The following CACNA2D1 variants were observed in gnomAD, a reference collection of about 807,000 sequenced individuals.
CACNA2D1 encodes calcium voltage-gated channel auxiliary subunit alpha2delta 1, also known as voltage-dependent calcium channel subunit alpha-2/delta-1.
Under a neutral mutation model 171.5 loss-of-function variants are expected in CACNA2D1, and 53 were observed. The observed-to-expected ratio is 0.31, with a 90% confidence interval of 0.25 to 0.39. The LOEUF (loss-of-function observed/expected upper bound fraction) is 0.39. Among genes scored for constraint, CACNA2D1 ranks in the 10% least tolerant of loss-of-function variants. The probability of loss-of-function intolerance (pLI) is 1.00; values close to 1 mark genes in which losing one functional copy is unlikely to be tolerated. For missense variants in CACNA2D1, 903 were observed against 1,299.8 expected, an observed-to-expected ratio of 0.69 and a Z score of 4.69; for synonymous variants, 442 against 443.1, an observed-to-expected ratio of 1.00 and a Z score of 0.03.
rs575692029 is a variant in CACNA2D1, at chr7:82,017,999, C to G, written c.1144-3520G>C. Among the ~76,000 whole-genome samples the G allele has an allele frequency of 2.0e-5, 3 of 152,210 alleles. No individual in the cohort carries two copies. In the South Asian group the frequency reaches 6.2e-4, roughly 32 times the overall value. On this transcript the variant is annotated intron_variant, in intron 12 of 38. Coordinates refer to ENST00000356860, the MANE Select transcript of CACNA2D1 (RefSeq NM_000722.4). ...TTCATATAACAAATGCACATGAAAACTTTTCTGTTGTGAGTAAAATGTTCC... is the reference window on the plus strand; with the variant it reads ...TTCATATAACAAATGCACATGAAAAGTTTTCTGTTGTGAGTAAAATGTTCC...
intron 5 of CACNA2D1, among the ~76,000 whole-genome samples, chr7:82,131,168 G>A (rs258697): frequency 0.28 from 42,146 of 152,008 alleles, 5,997 homozygotes; most frequent in East Asian, 0.43. Context: ...GTAAACTGCA[G>A]CCTAACTTAG....
intron 6 of CACNA2D1, among the ~76,000 whole-genome samples, chr7:82,092,120 GAACA>G (rs1233643919): frequency 5.3e-5 from 8 of 152,194 alleles, no homozygotes; most frequent in Non-Finnish European, 8.8e-5. Context: ...CCTCTTCCTT[GAACA>G]AAAACACATT....
intron 18 of CACNA2D1, among the ~76,000 whole-genome samples, chr7:82,002,584 C>T (rs907728363): frequency 1.3e-5 from 2 of 151,406 alleles, no homozygotes; most frequent in African/African-American, 4.9e-5. Flanking sequence ...ATATTAACTT[C>T]TCAAACATAG....
chr7:82,285,264 A>G (rs957396325), intron 3 of CACNA2D1, among the ~76,000 whole-genome samples: 5 of 151,994 alleles, frequency 3.3e-5, no homozygotes, highest in Non-Finnish European at 5.9e-5. Context: ...GGGCTGCCCA[A>G]TAAAACCTGT....
chr7:81,967,270 C>T (rs1794805682), intron 30 of CACNA2D1, 63 bp from the exon 31 acceptor site: 2 of 1,228,648 alleles, frequency 1.6e-6, no homozygotes, highest in Non-Finnish European at 2.4e-6. Context: ...TATATTATTA[C>T]CATGTTATAA....
At chr7:82,418,751 T>C (rs1051872311) in intron 1 of CACNA2D1, among the ~76,000 whole-genome samples, 2 of 152,106 alleles carry the variant, frequency 1.3e-5, no homozygotes, top group Non-Finnish European at 2.9e-5. Context: ...CTGGTATTCT[T>C]TTCATACTCA....
intron 6 of CACNA2D1, among the ~76,000 whole-genome samples, chr7:82,106,263 C>G (rs1445986935): frequency 6.6e-6 from 1 of 152,036 alleles, no homozygotes; most frequent in Admixed American, 6.6e-5. Flanking sequence ...TTAAAAAATC[C>G]TCATCTCAAA....
chr7:82,007,540 G>A (rs775386674), intron 16 of CACNA2D1, 139 bp downstream of exon 16: 3 of 614,592 alleles, frequency 4.9e-6, no homozygotes, highest in Non-Finnish European at 8.9e-6. Flanking sequence ...TATCGCATAG[G>A]CAGCTGTTGC....
At chr7:82,128,110 T>C (rs1319444943) in intron 5 of CACNA2D1, among the ~76,000 whole-genome samples, 2 of 149,410 alleles carry the variant, frequency 1.3e-5, no homozygotes, top group African/African-American at 2.5e-5. Flanking sequence ...TTTTTTTTTT[T>C]GTAGAGACAG....
chr7:82,144,104 ACGGT>A (rs990595598), intron 4 of CACNA2D1, among the ~76,000 whole-genome samples: 13 of 152,106 alleles, frequency 8.5e-5, no homozygotes, highest in Non-Finnish European at 5.9e-5. Flanking sequence ...AGGAGTAGTT[ACGGT>A]CATAAAAGCT....
At chr7:82,143,705 A>G in intron 4 of CACNA2D1, among the ~76,000 whole-genome samples, 1 of 151,990 alleles carries the variant, frequency 6.6e-6, no homozygotes, top group East Asian at 1.9e-4. Context: ...TGATTCTGTA[A>G]CTCTCCAGTC....
At chr7:82,064,411 T>G in intron 8 of CACNA2D1, 57 bp from the exon 9 acceptor site, 1 of 1,290,808 alleles carries the variant, frequency 7.7e-7, no homozygotes, top group South Asian at 1.2e-5. Context: ...ACACTGATAT[T>G]TGTTGAATTG....
intron 3 of CACNA2D1, among the ~76,000 whole-genome samples, chr7:82,261,483 T>A (rs1016853590): frequency 6.6e-6 from 1 of 152,166 alleles, no homozygotes; most frequent in African/African-American, 2.4e-5. Context: ...AAAGTCTGCT[T>A]TCAGGTACCA....
At position 82,117,052 on chromosome 7, in the gene CACNA2D1, T is replaced by G; in HGVS notation, c.518A>C (p.Tyr173Ser). Reference protein sequence around the residue: ...HAAVHIPTDIYEGSTIVLNEL... With the variant: ...HAAVHIPTDISEGSTIVLNEL... ...AACATTCTTTTACTTACAGCCCTCA[T>G]AGATGTCAGTAGGAATATGGACTGC... is the stretch of plus-strand genomic sequence containing the variant. The change falls in exon 6 of 39, where the codon TAT (tyrosine) becomes TCT (serine). Residue 173 changes from tyrosine to serine, a missense_variant. Transcript: ENST00000356860. 2 of 1,613,770 alleles carry G rather than the reference T, an allele frequency of 1.2e-6. No individual in the cohort carries two copies. The highest frequency in any genetic ancestry group is 1.7e-6 in the Non-Finnish European group (2 of 1,179,774).
chr7:82,416,759 G>T (rs1450702683), intron 1 of CACNA2D1, among the ~76,000 whole-genome samples: 1 of 152,072 alleles, frequency 6.6e-6, no homozygotes, highest in Non-Finnish European at 1.5e-5. Context: ...TCAAAATAAG[G>T]TCACATTCTG....
At chr7:81,958,503 TATTTCTTAAGAATTTTA>T (rs1002820031) in intron 38 of CACNA2D1, among the ~76,000 whole-genome samples, 13 of 151,994 alleles carry the variant, frequency 8.6e-5, no homozygotes, top group Admixed American at 7.9e-4. Context: ...AATAGATTAA[TATTTCTTAAGAATTTTA>T]AAAGCATAAA....
At chr7:82,115,392 G>C (rs561446068) in intron 6 of CACNA2D1, among the ~76,000 whole-genome samples, 1 of 151,872 alleles carries the variant, frequency 6.6e-6, no homozygotes, top group South Asian at 2.1e-4. Flanking sequence ...ATAATACAAT[G>C]GTCAAAGAAA....
intron 6 of CACNA2D1, among the ~76,000 whole-genome samples, chr7:82,115,740 G>T (rs1222204877): frequency 2.7e-5 from 4 of 146,986 alleles, no homozygotes; most frequent in Admixed American, 1.3e-4. Context: ...ATCTCAAAGT[G>T]AATAAAAAAA....
intron 6 of CACNA2D1, among the ~76,000 whole-genome samples, chr7:82,090,515 A>G (rs1319679345): frequency 6.6e-6 from 1 of 152,086 alleles, no homozygotes. Flanking sequence ...CATTGAGATA[A>G]AAATTAGCAT....
Sources: allele counts gnomAD v4.1 joint callset (sites outside exome capture counted in the v4.1 genomes callset), GRCh38; gene constraint gnomAD v4.1.1; transcripts MANE v1.5; gene names NCBI Gene and HGNC (gene_info 2026-07-23, HGNC 2026-07-21).